NELL1: variants seen among roughly 807,000 people sequenced by gnomAD.
NELL1 encodes the protein neural EGFL like 1.
NELL1 carries 76 observed loss-of-function variants against 107.4 expected under a neutral mutation model. That is an observed-to-expected ratio of 0.71 (90% CI 0.59 to 0.86). The LOEUF is 0.86. NELL1 is among the 40% of genes least tolerant of loss of function. The pLI is 0.00. For synonymous variants in NELL1, 353 were observed against 341.2 expected, an observed-to-expected ratio of 1.03 and a Z score of -0.38; for missense variants, 1,024 against 1,005.5, an observed-to-expected ratio of 1.02 and a Z score of -0.25.
intron 12 of NELL1, among the ~76,000 whole-genome samples, chr11:21,080,775 G>C (rs931988869): frequency 6.6e-6 from 1 of 151,924 alleles, no homozygotes; most frequent in African/African-American, 2.4e-5. Context: ...GCCTTCCAAA[G>C]AATTTGTAGC....
chr11:20,869,246 G>C (rs962179900), intron 4 of NELL1, among the ~76,000 whole-genome samples: 2 of 152,166 alleles, frequency 1.3e-5, no homozygotes, highest in Admixed American at 1.3e-4. Context: ...CTGAGAGAGA[G>C]AGAGCATTGT....
chr11:21,313,556 C>G (rs564604571), intron 14 of NELL1, among the ~76,000 whole-genome samples: 1 of 152,260 alleles, frequency 6.6e-6, no homozygotes, highest in Non-Finnish European at 1.5e-5. Flanking sequence ...CTTTCTATGA[C>G]TGGATACCTG....
chr11:21,542,793 A>C (rs1856323491), intron 16 of NELL1, among the ~76,000 whole-genome samples: 1 of 152,084 alleles, frequency 6.6e-6, no homozygotes, highest in South Asian at 2.1e-4. Flanking sequence ...CAATTAGAAT[A>C]GTATATACAA....
At chr11:20,791,740 T>G (rs1332514149) in intron 3 of NELL1, among the ~76,000 whole-genome samples, 1 of 151,636 alleles carries the variant, frequency 6.6e-6, no homozygotes, top group African/African-American at 2.4e-5. Flanking sequence ...GTTTTTTTTT[T>G]TTTTTTTCTA....
chr11:21,032,466 G>C (rs1852985754), intron 12 of NELL1, among the ~76,000 whole-genome samples: 1 of 152,150 alleles, frequency 6.6e-6, no homozygotes, highest in African/African-American at 2.4e-5. Flanking sequence ...TCAGCTCACT[G>C]CAACTTCCAC....
chr11:21,051,815 G>T (rs1397981944), intron 12 of NELL1, among the ~76,000 whole-genome samples: 1 of 152,024 alleles, frequency 6.6e-6, no homozygotes, highest in Non-Finnish European at 1.5e-5. Context: ...CATCAGGCAT[G>T]GTTCTAGGGG....
At chr11:21,363,592 A>G (rs960704269) in intron 14 of NELL1, among the ~76,000 whole-genome samples, 6 of 152,144 alleles carry the variant, frequency 3.9e-5, no homozygotes, top group Non-Finnish European at 8.8e-5. Context: ...TGTGGGAGCT[A>G]CATGTTAGCT....
intron 14 of NELL1, among the ~76,000 whole-genome samples, chr11:21,328,579 C>T (rs1850200295): frequency 6.6e-6 from 1 of 152,140 alleles, no homozygotes; most frequent in South Asian, 2.1e-4. Flanking sequence ...AAGAGGGCCA[C>T]CGTTCTCCTG....
intron 16 of NELL1, among the ~76,000 whole-genome samples, chr11:21,553,689 A>C (rs150158387): frequency 6.6e-6 from 1 of 151,952 alleles, no homozygotes; most frequent in East Asian, 1.9e-4. Context: ...ATGTTTATGC[A>C]TTTCTTATTA....
chr11:20,960,974 T>G (rs574503909), intron 12 of NELL1, among the ~76,000 whole-genome samples: 1 of 152,234 alleles, frequency 6.6e-6, no homozygotes, highest in Non-Finnish European at 1.5e-5. Context: ...ACTAGGCTGC[T>G]GTCTCCTTGA....
chr11:21,320,964 A>C (rs1382249996), intron 14 of NELL1, among the ~76,000 whole-genome samples: 1 of 152,208 alleles, frequency 6.6e-6, no homozygotes, highest in Non-Finnish European at 1.5e-5. Flanking sequence ...TCCATATGCA[A>C]ATGTGTGCCT....
chr11:20,682,900 A>G (rs980841678), intron 2 of NELL1, among the ~76,000 whole-genome samples: 1 of 152,078 alleles, frequency 6.6e-6, no homozygotes, highest in Admixed American at 6.6e-5. Flanking sequence ...AGATTTATAC[A>G]TATTGCAGCA....
intron 14 of NELL1, among the ~76,000 whole-genome samples, chr11:21,270,408 T>G (rs1848716670): frequency 6.6e-6 from 1 of 152,070 alleles, no homozygotes; most frequent in Non-Finnish European, 1.5e-5. Context: ...ACAACAGACT[T>G]CAAAGCAAGA....
At chr11:21,374,902 TG>T (rs1851437756) in intron 15 of NELL1, among the ~76,000 whole-genome samples, 1 of 150,826 alleles carries the variant, frequency 6.6e-6, no homozygotes, top group Admixed American at 6.6e-5. Flanking sequence ...TGTGTGTGTG[TG>T]TGTGTGTGTG....
intron 14 of NELL1, among the ~76,000 whole-genome samples, chr11:21,275,978 T>C (rs1414639895): frequency 6.6e-6 from 1 of 152,192 alleles, no homozygotes; most frequent in African/African-American, 2.4e-5. Context: ...GCATTCCCTT[T>C]GAAAACTGGC....
At chr11:21,463,526 A>G (rs563806382) in intron 15 of NELL1, among the ~76,000 whole-genome samples, 1 of 152,132 alleles carries the variant, frequency 6.6e-6, no homozygotes, top group Admixed American at 6.6e-5. Flanking sequence ...CAACTTTGCA[A>G]AGGTTCCTTG....
At chr11:21,205,854 G>A (rs16907666) in intron 13 of NELL1, among the ~76,000 whole-genome samples, 9,006 of 152,186 alleles carry the variant, frequency 0.059, 271 homozygotes, top group East Asian at 0.14. Context: ...TTTAAATGCA[G>A]TGTGTCTGTC....
rs1170739384 is a variant in NELL1 at position 20,928,430 on chromosome 11, A to G, written c.948A>G (p.Pro316=). The change falls in exon 9 of 20, where the codon CCA becomes CCG. Residue 316 remains proline (P), a synonymous_variant. Transcript: ENST00000357134. ...RMSCPPLNCS[P]DSLPVHIAGQ... ...CCTGTCCCCCTCTCAATTGCTCCCC[A>G]GACTCCCTCCCAGTGCACATTGCTG... The G allele has an allele frequency of 6.2e-7, 1 of 1,613,902 alleles. No homozygotes were observed. The highest frequency in any genetic ancestry group is 1.3e-5 in the African/African-American group (1 of 74,894).
chr11:21,272,475 G>A (rs1173466268), intron 14 of NELL1, among the ~76,000 whole-genome samples: 1 of 152,204 alleles, frequency 6.6e-6, no homozygotes, highest in South Asian at 2.1e-4. Context: ...CTACCTCTAG[G>A]GGCAAGGCAC....
Sources: gnomAD v4.1 joint callset for allele counts (sites outside exome capture counted in the v4.1 genomes callset) on GRCh38, gnomAD v4.1.1 for gene constraint, MANE v1.5 for transcripts, NCBI Gene and HGNC (gene_info 2026-07-23, HGNC 2026-07-21) for gene names.